Variants in PLXDC1 observed in about 807,000 individuals in gnomAD.
The protein encoded by PLXDC1 is plexin domain-containing protein 1.
Under a neutral mutation model 61.3 loss-of-function variants are expected in PLXDC1, and 39 were observed. The ratio of observed to expected loss-of-function variants is 0.64; its 90% confidence interval spans 0.49 to 0.83. The LOEUF is 0.83. Ranked by LOEUF, PLXDC1 falls within the 40% of genes least tolerant of loss-of-function variation. The pLI is 0.00. For synonymous variants in PLXDC1, 212 were observed against 254.5 expected (o/e 0.83, Z 1.59); for missense variants, 596 against 666.5 (o/e 0.89, Z 1.17).
At chr17:39,096,850 G>A in intron 7 of PLXDC1, 1 of 455,394 alleles carries the variant, frequency 2.2e-6, no homozygotes, top group Non-Finnish European at 4.6e-6. Context: ...ACTTCCGGCG[G>A]TCTCCCCAGC....
intron 1 of PLXDC1, among the ~76,000 whole-genome samples, chr17:39,143,006 C>T (rs1397696022): frequency 1.3e-5 from 2 of 152,046 alleles, no homozygotes; most frequent in Non-Finnish European, 2.9e-5. Context: ...GGCATGGTGG[C>T]GGGCACCCAT....
At chr17:39,085,139 A>G (rs1198943367) in intron 8 of PLXDC1, among the ~76,000 whole-genome samples, 1 of 152,242 alleles carries the variant, frequency 6.6e-6, no homozygotes, top group Non-Finnish European at 1.5e-5. Flanking sequence ...CTCAGGAGCC[A>G]ATGTGCATTA....
intron 2 of PLXDC1, among the ~76,000 whole-genome samples, chr17:39,110,846 G>A (rs779653639): frequency 2.0e-5 from 3 of 152,166 alleles, no homozygotes; most frequent in Non-Finnish European, 2.9e-5. Context: ...GCAGGCTGGG[G>A]GACGATGAGC....
chr17:39,143,520 C>G (rs1162560286), intron 1 of PLXDC1, among the ~76,000 whole-genome samples: 1 of 152,256 alleles, frequency 6.6e-6, no homozygotes, highest in Non-Finnish European at 1.5e-5. Context: ...TGCTCCATCA[C>G]TGCAGAATTG....
chr17:39,140,726 T>A (rs981216526), intron 1 of PLXDC1, among the ~76,000 whole-genome samples: 2 of 152,226 alleles, frequency 1.3e-5, no homozygotes, highest in Non-Finnish European at 2.9e-5. Context: ...CTGGCAGAAA[T>A]GGCACATAAT....
At chr17:39,075,088 T>C (rs544119758) in intron 11 of PLXDC1, among the ~76,000 whole-genome samples, 1 of 152,242 alleles carries the variant, frequency 6.6e-6, no homozygotes, top group East Asian at 1.9e-4. Flanking sequence ...GCCTCCTGAG[T>C]AGCTGGGATT....
intron 12 of PLXDC1, chr17:39,072,145 TC>T (rs1231781372): frequency 2.2e-6 from 1 of 446,986 alleles, no homozygotes; most frequent in Non-Finnish European, 4.1e-6. Flanking sequence ...CCTGGCTCAG[TC>T]CTTCCCCTCC....
At chr17:39,134,480 G>T (rs574780437) in intron 2 of PLXDC1, among the ~76,000 whole-genome samples, 2 of 151,680 alleles carry the variant, frequency 1.3e-5, no homozygotes, top group South Asian at 4.2e-4. Flanking sequence ...CAAAAAATTA[G>T]CCGGGCTTGG....
rs1908909472 is a variant in PLXDC1, at chr17:39,066,641, A to G, written c.*1199T>C. 1 of 151,714 alleles carries G rather than the reference A, an allele frequency of 6.6e-6. No individual in the cohort carries two copies. Among genetic ancestry groups the G allele is most frequent in the Admixed American group, 6.6e-5 (1 of 15,208 alleles). 9.4% of individuals were successfully genotyped at this position (151,714 alleles called of 1,614,324 possible). A position where few individuals can be genotyped will look rare whatever the true frequency, so the allele number is the denominator to read the frequency against. ...CGCTCTGTCACCCAGGCTGGAGTGC[A>G]GTGGCACTATCTGAGCTCACTGCAA... On this transcript the variant is annotated 3_prime_UTR_variant, in exon 14 of 14. Coordinates refer to ENST00000315392, the MANE Select transcript of PLXDC1 (RefSeq NM_020405.5).
intron 7 of PLXDC1, among the ~76,000 whole-genome samples, chr17:39,090,676 C>T (rs1909913690): frequency 6.6e-6 from 1 of 152,194 alleles, no homozygotes; most frequent in Non-Finnish European, 1.5e-5. Context: ...CGCACAAGGA[C>T]CCCAGGAGCC....
At chr17:39,069,744 T>G in intron 13 of PLXDC1, 112 bp downstream of exon 13, 2 of 814,192 alleles carry the variant, frequency 2.5e-6, no homozygotes. Flanking sequence ...GGATGAAGTT[T>G]TCTCAGGTAT....
chr17:39,104,161 A>G (rs1910517788), intron 7 of PLXDC1, among the ~76,000 whole-genome samples: 1 of 152,220 alleles, frequency 6.6e-6, no homozygotes, highest in Non-Finnish European at 1.5e-5. Context: ...CTGATGTGCC[A>G]GACATTAGGC....
chr17:39,071,467 C>T (rs1299433710), intron 12 of PLXDC1, among the ~76,000 whole-genome samples: 1 of 152,154 alleles, frequency 6.6e-6, no homozygotes, highest in African/African-American at 2.4e-5. Flanking sequence ...CTCTGCTCTG[C>T]ACTCTGTAAG....
At chr17:39,085,751 C>T (rs1035966128) in intron 8 of PLXDC1, among the ~76,000 whole-genome samples, 5 of 152,092 alleles carry the variant, frequency 3.3e-5, no homozygotes, top group African/African-American at 1.2e-4. Flanking sequence ...CTTCCCACAC[C>T]CAAATGGTAA....
At chr17:39,081,979 A>G (rs1030545510) in intron 9 of PLXDC1, among the ~76,000 whole-genome samples, 5 of 152,214 alleles carry the variant, frequency 3.3e-5, no homozygotes, top group Admixed American at 2.6e-4. Context: ...TTTAAATAAC[A>G]GTGTGTTTGT....
At chr17:39,134,292 T>G (rs1217167211) in intron 2 of PLXDC1, among the ~76,000 whole-genome samples, 1 of 150,190 alleles carries the variant, frequency 6.7e-6, no homozygotes, top group Non-Finnish European at 1.5e-5. Context: ...AAATAAAGTC[T>G]ATTCCCTGTG....
At chr17:39,121,868 C>T (rs929664907) in intron 2 of PLXDC1, among the ~76,000 whole-genome samples, 4 of 151,802 alleles carry the variant, frequency 2.6e-5, no homozygotes, top group Non-Finnish European at 5.9e-5. Flanking sequence ...AGGCTGAGGC[C>T]GGCAGATCAC....
intron 8 of PLXDC1, among the ~76,000 whole-genome samples, chr17:39,084,741 G>A (rs1598188907): frequency 6.6e-6 from 1 of 152,242 alleles, no homozygotes; most frequent in South Asian, 2.1e-4. Context: ...GACAGAGCCA[G>A]AGAACAGAGA....
intron 9 of PLXDC1, chr17:39,079,528 C>T (rs1909473626): frequency 4.3e-6 from 2 of 460,048 alleles, no homozygotes; most frequent in Non-Finnish European, 4.4e-6. Flanking sequence ...TGTTGAGGGA[C>T]CTAAACTTGG....
Sources: gnomAD v4.1 joint callset for allele counts (sites outside exome capture counted in the v4.1 genomes callset) on GRCh38, gnomAD v4.1.1 for gene constraint, MANE v1.5 for transcripts, NCBI Gene and HGNC (gene_info 2026-07-23, HGNC 2026-07-21) for gene names.